Variants in EBF1 observed in about 807,000 individuals in gnomAD.
The protein encoded by EBF1 is EBF transcription factor 1.
A neutral mutation model predicts 68.4 loss-of-function variants in EBF1; 10 were observed. That is an observed-to-expected ratio of 0.15 (90% confidence interval 0.09 to 0.25). The LOEUF is 0.25. EBF1 is among the 10% of genes least tolerant of loss of function. The probability of loss-of-function intolerance (pLI) is 1.00; values close to 1 mark genes in which losing one functional copy is unlikely to be tolerated. For missense variants in EBF1, 509 were observed against 794.4 expected, an observed-to-expected ratio of 0.64 and a Z score of 4.32; for synonymous variants, 298 against 299.8, an observed-to-expected ratio of 0.99 and a Z score of 0.06.
intron 5 of EBF1, among the ~76,000 whole-genome samples, chr5:159,082,713 G>A (rs538602859): frequency 6.6e-6 from 1 of 152,322 alleles, no homozygotes; most frequent in Admixed American, 6.5e-5. Context: ...TAAACAAACA[G>A]TACCCCTTAT....
At chr5:158,966,242 G>C (rs780635738) in intron 6 of EBF1, among the ~76,000 whole-genome samples, 2 of 152,112 alleles carry the variant, frequency 1.3e-5, no homozygotes, top group Non-Finnish European at 2.9e-5. Context: ...TTCTAAGAAA[G>C]AGTATAGAAA....
chr5:158,848,314 T>C (rs1055879287), intron 6 of EBF1, among the ~76,000 whole-genome samples: 1 of 151,504 alleles, frequency 6.6e-6, no homozygotes, highest in Non-Finnish European at 1.5e-5. Flanking sequence ...TTGACCATTC[T>C]GGTTATATTC....
intron 6 of EBF1, among the ~76,000 whole-genome samples, chr5:158,843,444 C>T (rs1386439052): frequency 1.3e-5 from 2 of 152,204 alleles, no homozygotes; most frequent in African/African-American, 2.4e-5. Context: ...AGCAGCCCAT[C>T]GTTAGCACAA....
chr5:158,855,914 T>G (rs1562130448), intron 6 of EBF1, among the ~76,000 whole-genome samples: 1 of 152,218 alleles, frequency 6.6e-6, no homozygotes, highest in Admixed American at 6.5e-5. Flanking sequence ...ACACACGCAC[T>G]TGTTCTTCAA....
At chr5:159,044,199 A>G (rs1290729927) in intron 6 of EBF1, among the ~76,000 whole-genome samples, 1 of 152,194 alleles carries the variant, frequency 6.6e-6, no homozygotes. Flanking sequence ...ATACCCACTA[A>G]TGTTTGTTAA....
At chr5:158,975,511 G>A (rs1756557948) in intron 6 of EBF1, among the ~76,000 whole-genome samples, 1 of 152,116 alleles carries the variant, frequency 6.6e-6, no homozygotes, top group Admixed American at 6.5e-5. Context: ...GAAAAAAGGA[G>A]TTGGGAGTGA....
At chr5:159,080,447 A>T (rs981614052) in intron 5 of EBF1, among the ~76,000 whole-genome samples, 8 of 152,214 alleles carry the variant, frequency 5.3e-5, no homozygotes, top group Admixed American at 5.2e-4. Context: ...AGTGTTTTGC[A>T]CATAGTAGGT....
chr5:158,776,459 T>G (rs1006103823), intron 10 of EBF1, among the ~76,000 whole-genome samples: 9 of 152,290 alleles, frequency 5.9e-5, no homozygotes, highest in Non-Finnish European at 1.2e-4. Context: ...TAATTACAAT[T>G]TGTTAACTGT....
intron 10 of EBF1, among the ~76,000 whole-genome samples, chr5:158,739,223 A>G (rs1765800613): frequency 1.3e-5 from 2 of 152,228 alleles, no homozygotes; most frequent in Non-Finnish European, 2.9e-5. Flanking sequence ...TTACTGGCAG[A>G]AGTGGAGCAT....
intron 8 of EBF1, among the ~76,000 whole-genome samples, chr5:158,821,666 C>A (rs1784841295): frequency 6.6e-6 from 1 of 152,162 alleles, no homozygotes; most frequent in African/African-American, 2.4e-5. Context: ...CACCTCTAGT[C>A]ACACAATGCC....
intron 10 of EBF1, among the ~76,000 whole-genome samples, chr5:158,767,529 T>C (rs1301720699): frequency 6.6e-6 from 1 of 150,474 alleles, no homozygotes; most frequent in Non-Finnish European, 1.5e-5. Context: ...ACTTACTAAA[T>C]AACCCAGGAA....
At chr5:158,723,926 G>A (rs1306679677) in intron 11 of EBF1, among the ~76,000 whole-genome samples, 1 of 151,940 alleles carries the variant, frequency 6.6e-6, no homozygotes, top group Non-Finnish European at 1.5e-5. Flanking sequence ...TGTTCATAAC[G>A]CACACATGCA....
chr5:159,007,069 C>T (rs1458809042), intron 6 of EBF1, among the ~76,000 whole-genome samples: 4 of 152,260 alleles, frequency 2.6e-5, no homozygotes, highest in African/African-American at 7.2e-5. Context: ...TGTGATAATT[C>T]ATGTGTCCTC....
chr5:159,010,485 TC>T (rs139510047), intron 6 of EBF1, among the ~76,000 whole-genome samples: 1 of 151,984 alleles, frequency 6.6e-6, no homozygotes, highest in Non-Finnish European at 1.5e-5. Flanking sequence ...CGGAAAATAC[TC>T]CCCCCCAGAA....
At chr5:158,846,981 G>C (rs557183569) in intron 6 of EBF1, among the ~76,000 whole-genome samples, 3 of 152,188 alleles carry the variant, frequency 2.0e-5, no homozygotes, top group Non-Finnish European at 4.4e-5. Flanking sequence ...CTGCAGTGGA[G>C]GGTGGAATGG....
chr5:158,814,346 T>TA lies in EBF1; in HGVS notation c.778+8829_778+8830insT, dbSNP rs768022532. Reference sequence around the variant, plus strand: ...GGCAACAGAGCAAGGCCCTGTCTCATTAAAAAAAAAGTTTTTACATAAAGT... The same window carrying TA: ...GGCAACAGAGCAAGGCCCTGTCTCATATAAAAAAAAAGTTTTTACATAAAGT... On this transcript the variant is annotated intron_variant, in intron 8 of 15. Coordinates refer to ENST00000313708, the MANE Select transcript of EBF1 (RefSeq NM_024007.5). Among the ~76,000 whole-genome samples, 742 of 152,046 alleles carry TA rather than the reference T, an allele frequency of 4.9e-3. 2 individuals carry two copies. Among genetic ancestry groups the TA allele is most frequent in the Non-Finnish European group, 6.7e-3 (453 of 67,948 alleles).
chr5:158,848,311 T>TA (rs35460445), intron 6 of EBF1, among the ~76,000 whole-genome samples: 87,104 of 151,970 alleles, frequency 0.57, 25,734 homozygotes, highest in South Asian at 0.79. Context: ...TCATTGACCA[T>TA]TCTGGTTATA....
chr5:158,940,700 G>T (rs1813057035), intron 6 of EBF1, among the ~76,000 whole-genome samples: 1 of 133,870 alleles, frequency 7.5e-6, no homozygotes, highest in South Asian at 2.6e-4. Flanking sequence ...TTTACAAGGA[G>T]AGAAGATAAA....
rs563974113 is a variant in EBF1, at chr5:158,989,868, G to A, written c.554+83528C>T. On this transcript the variant is annotated intron_variant, in intron 6 of 15. Transcript: ENST00000313708. The stretch of plus-strand genomic sequence containing the variant: ...CTGACCTCCCCTGCTAAGTGCTATG[G>A]AGTGCATTATTTCTATGCAAAACTC... Among the ~76,000 whole-genome samples the A allele has an allele frequency of 1.3e-4, 20 of 152,278 alleles. No individual in the cohort carries two copies. The East Asian group carries it at 3.5e-3, about 26-fold the overall frequency.
Sources: allele counts gnomAD v4.1 joint callset (sites outside exome capture counted in the v4.1 genomes callset), GRCh38; gene constraint gnomAD v4.1.1; transcripts MANE v1.5; gene names NCBI Gene and HGNC (gene_info 2026-07-23, HGNC 2026-07-21).